The following SCN8A variants were observed in gnomAD, a reference collection of about 807,000 sequenced individuals.
SCN8A encodes the protein sodium voltage-gated channel alpha subunit 8.
Under a neutral mutation model 184.1 loss-of-function variants are expected in SCN8A, and 30 were observed. That is an observed-to-expected ratio of 0.16 (90% CI 0.12 to 0.22). The LOEUF (loss-of-function observed/expected upper bound fraction) is 0.22. Ranked by LOEUF, SCN8A falls within the 10% of genes least tolerant of loss-of-function variation. The pLI, the probability that SCN8A is intolerant of heterozygous loss-of-function variation, is 1.00. For missense variants in SCN8A, 1,057 were observed against 2,498.9 expected (o/e 0.42, Z 12.30); for synonymous variants, 852 against 907.0 (o/e 0.94, Z 1.09).
chr12:51,706,830 C>A, intron 11 of SCN8A, 115 bp downstream of exon 11: 2 of 745,814 alleles, frequency 2.7e-6, no homozygotes, highest in South Asian at 3.6e-5. Flanking sequence ...CAGTGTTAAG[C>A]ACAATTATAT....
intron 1 of SCN8A, among the ~76,000 whole-genome samples, chr12:51,617,523 C>G (rs1433853244): frequency 6.6e-6 from 1 of 152,072 alleles, no homozygotes; most frequent in African/African-American, 2.4e-5. Flanking sequence ...GACTGTTTGC[C>G]TTTCCTTCTT....
At chr12:51,789,203 A>G in intron 23 of SCN8A, 78 bp from the exon 24 acceptor site, 2 of 1,509,154 alleles carry the variant, frequency 1.3e-6, no homozygotes, top group Non-Finnish European at 1.8e-6. Context: ...AAATGGTCAC[A>G]GTTACGGCTG....
intron 19 of SCN8A, among the ~76,000 whole-genome samples, chr12:51,771,942 C>G (rs1266432885): frequency 6.6e-6 from 1 of 152,222 alleles, no homozygotes; most frequent in Non-Finnish European, 1.5e-5. Flanking sequence ...TGGCTCTTCT[C>G]TTTCCCATCT....
At chr12:51,598,807 A>C (rs949467777) in intron 1 of SCN8A, among the ~76,000 whole-genome samples, 3 of 151,946 alleles carry the variant, frequency 2.0e-5, no homozygotes, top group Admixed American at 2.0e-4. Context: ...CCTGCTCCTC[A>C]CAGTTAGTTC....
chr12:51,594,933 A>G (rs1487896818), intron 1 of SCN8A, among the ~76,000 whole-genome samples: 1 of 152,136 alleles, frequency 6.6e-6, no homozygotes, highest in African/African-American at 2.4e-5. Flanking sequence ...TTGTATCTCA[A>G]TTTACCTTTT....
chr12:51,664,636 C>T (rs1706026378), intron 2 of SCN8A, among the ~76,000 whole-genome samples: 1 of 152,184 alleles, frequency 6.6e-6, no homozygotes, highest in South Asian at 2.1e-4. Context: ...CACTTCATCT[C>T]TCTGGACCTA....
chr12:51,796,422 C>A (rs1173448844), intron 26 of SCN8A, among the ~76,000 whole-genome samples: 1 of 152,120 alleles, frequency 6.6e-6, no homozygotes, highest in East Asian at 1.9e-4. Context: ...AATCCACAGA[C>A]CAAATCATAC....
At chr12:51,631,929 T>A (rs1940204340) in intron 1 of SCN8A, among the ~76,000 whole-genome samples, 1 of 152,216 alleles carries the variant, frequency 6.6e-6, no homozygotes, top group Admixed American at 6.5e-5. Flanking sequence ...AGAGTTCTAT[T>A]CTTGGCCCAG....
At chr12:51,647,717 C>CTA (rs1940621791) in intron 1 of SCN8A, among the ~76,000 whole-genome samples, 1 of 152,178 alleles carries the variant, frequency 6.6e-6, no homozygotes, top group Non-Finnish European at 1.5e-5. Flanking sequence ...AAAGTGAAAT[C>CTA]TGTAAGTAAC....
intron 2 of SCN8A, 88 bp from the exon 3 acceptor site, chr12:51,684,086 T>G (rs1941379466): frequency 1.3e-6 from 1 of 764,396 alleles, no homozygotes; most frequent in Non-Finnish European, 2.3e-6. Flanking sequence ...GACTTTTGAG[T>G]TTATGTATTC....
chr12:51,747,348 C>A (rs1247974241), intron 13 of SCN8A, among the ~76,000 whole-genome samples: 3 of 152,128 alleles, frequency 2.0e-5, no homozygotes, highest in East Asian at 1.9e-4. Context: ...GATAGAACAT[C>A]TTCAAGCTTT....
chr12:51,723,867 A>G (rs571024067), intron 12 of SCN8A, among the ~76,000 whole-genome samples: 12 of 151,604 alleles, frequency 7.9e-5, no homozygotes, highest in African/African-American at 2.9e-4. Context: ...AAAATCTGTA[A>G]GGGTGACTAA....
At chr12:51,707,499 C>T (rs1206605993) in intron 11 of SCN8A, among the ~76,000 whole-genome samples, 2 of 152,076 alleles carry the variant, frequency 1.3e-5, no homozygotes, top group African/African-American at 4.8e-5. Flanking sequence ...GAGGCTAGGC[C>T]AGTCTCGCCT....
chr12:51,756,167 ACACCCCTCACCAGGC>A (rs1367265310), intron 14 of SCN8A, among the ~76,000 whole-genome samples: 1 of 152,044 alleles, frequency 6.6e-6, no homozygotes, highest in East Asian at 1.9e-4. Flanking sequence ...CAGACTCTTA[ACACCCCTCACCAGGC>A]CACCCCTCGT....
At chr12:51,779,415 A>G (rs1295711895) in intron 20 of SCN8A, among the ~76,000 whole-genome samples, 5 of 152,160 alleles carry the variant, frequency 3.3e-5, no homozygotes, top group Non-Finnish European at 7.4e-5. Flanking sequence ...GAACAAGGTA[A>G]GTTTGCCTCT....
rs1940948417 is a variant in SCN8A at position 51,662,747 on chromosome 12, G to A, written c.-54-17G>A. On this transcript the variant is annotated splice_polypyrimidine_tract_variant and intron_variant, in intron 1 of 26. Transcript: ENST00000627620. ...GCAGTGATTGATTAATGCTGTCTGTGTTGCTGTTTCTTCCAGAGCTGACCT... is the reference window on the plus strand; with the variant it reads ...GCAGTGATTGATTAATGCTGTCTGTATTGCTGTTTCTTCCAGAGCTGACCT... 1 of 1,473,114 alleles carries A rather than the reference G, an allele frequency of 6.8e-7. No homozygotes were observed. Among genetic ancestry groups the A allele is most frequent in the Admixed American group, 1.8e-5 (1 of 54,692 alleles). 91.3% of individuals were successfully genotyped at this position (1,473,114 alleles called of 1,614,324 possible).
chr12:51,658,818 T>A (rs529493278), intron 1 of SCN8A, among the ~76,000 whole-genome samples: 4 of 152,282 alleles, frequency 2.6e-5, no homozygotes, highest in Admixed American at 1.3e-4. Flanking sequence ...ATTACTTTTT[T>A]AAAAAATACG....
chr12:51,798,543 A>G (rs960230881), intron 26 of SCN8A, among the ~76,000 whole-genome samples: 9 of 152,098 alleles, frequency 5.9e-5, no homozygotes, highest in Admixed American at 5.9e-4. Flanking sequence ...CAAATTGGAC[A>G]CTCAGCAGTG....
intron 14 of SCN8A, among the ~76,000 whole-genome samples, chr12:51,758,937 T>TACAC (rs201291830): frequency 6.6e-6 from 1 of 151,528 alleles, no homozygotes; most frequent in Admixed American, 6.6e-5. Context: ...TACCAAGCCA[T>TACAC]ACACACACAC....
Sources: gnomAD v4.1 joint callset for allele counts (sites outside exome capture counted in the v4.1 genomes callset) on GRCh38, gnomAD v4.1.1 for gene constraint, MANE v1.5 for transcripts, NCBI Gene and HGNC (gene_info 2026-07-23, HGNC 2026-07-21) for gene names.